FBXL20: variants seen among roughly 807,000 people sequenced by gnomAD.
FBXL20 encodes F-box/LRR-repeat protein 20.
A neutral mutation model predicts 64.0 loss-of-function variants in FBXL20; 11 were observed. The ratio of observed to expected loss-of-function variants is 0.17; its 90% CI spans 0.11 to 0.28. The LOEUF (loss-of-function observed/expected upper bound fraction) is 0.28, where lower values mean the gene tolerates loss of function less well. FBXL20 is among the 10% of genes least tolerant of loss of function. The pLI is 1.00. For synonymous variants in FBXL20, 184 were observed against 189.0 expected (o/e 0.97, Z 0.22); for missense variants, 303 against 526.2 (o/e 0.58, Z 4.15).
intron 2 of FBXL20, among the ~76,000 whole-genome samples, chr17:39,338,867 A>C (rs1389530932): frequency 6.6e-6 from 1 of 152,136 alleles, no homozygotes; most frequent in Non-Finnish European, 1.5e-5. Context: ...ACTGACCAAT[A>C]TTCTTTAAAA....
chr17:39,330,269 C>T (rs958807266), intron 2 of FBXL20, among the ~76,000 whole-genome samples: 3 of 150,154 alleles, frequency 2.0e-5, no homozygotes, highest in African/African-American at 7.4e-5. Context: ...TGCGCTCCAG[C>T]CTGGGCAACA....
chr17:39,304,992 G>C (rs1263359047), intron 2 of FBXL20, among the ~76,000 whole-genome samples: 2 of 151,892 alleles, frequency 1.3e-5, no homozygotes, highest in African/African-American at 4.8e-5. Context: ...CCTGATGTCA[G>C]GTTATCCGCC....
chr17:39,333,056 G>C (rs1461502149), intron 2 of FBXL20, among the ~76,000 whole-genome samples: 1 of 152,068 alleles, frequency 6.6e-6, no homozygotes, highest in African/African-American at 2.4e-5. Flanking sequence ...GCCTGCCTCA[G>C]CCTCCCAAGT....
intron 2 of FBXL20, among the ~76,000 whole-genome samples, chr17:39,334,506 A>G (rs987591044): frequency 7.1e-6 from 1 of 140,448 alleles, no homozygotes. Context: ...TTCGAAAAAA[A>G]AATTCAGCTA....
intron 6 of FBXL20, 33 bp downstream of exon 6, chr17:39,297,092 TTA>T: frequency 6.6e-7 from 1 of 1,513,544 alleles, no homozygotes; most frequent in Non-Finnish European, 9.1e-7. Flanking sequence ...ACATAAGGGG[TTA>T]TGACTTATCC....
intron 1 of FBXL20, among the ~76,000 whole-genome samples, chr17:39,396,596 C>CAAA (rs35394824): frequency 2.3e-4 from 24 of 103,212 alleles, no homozygotes; most frequent in Non-Finnish European, 4.4e-4. Flanking sequence ...AACTCCGTCT[C>CAAA]AAAAAAAAAA....
chr17:39,359,062 A>C (rs1171022922), intron 1 of FBXL20, among the ~76,000 whole-genome samples: 1 of 152,226 alleles, frequency 6.6e-6, no homozygotes, highest in African/African-American at 2.4e-5. Flanking sequence ...GGCAAGGCGC[A>C]GTGGCTCACG....
At chr17:39,294,113 T>C (rs761591808) in intron 6 of FBXL20, among the ~76,000 whole-genome samples, 5 of 152,004 alleles carry the variant, frequency 3.3e-5, no homozygotes, top group Non-Finnish European at 5.9e-5. Context: ...AGGGCAGTTA[T>C]TGTCACTGTG....
Position 39,259,366 on chromosome 17 carries a change from A to C in FBXL20, c.*2094T>G, listed in dbSNP as rs2046724783. 6.6e-6 allele frequency: 1 copy of C among 152,198 alleles called. No homozygotes were observed. The highest frequency in any genetic ancestry group is 2.1e-4 in the South Asian group (1 of 4,830). The allele number at this position is 152,198 out of a possible 1,614,324, so 9.4% of individuals were successfully genotyped here. On this transcript the variant is annotated 3_prime_UTR_variant, in exon 15 of 15. Transcript: ENST00000264658. ...TTTAATAGTCTGGATCATATAGAAGATTAATATTATGATGGATTGCACATT... is the reference window on the plus strand; with the variant it reads ...TTTAATAGTCTGGATCATATAGAAGCTTAATATTATGATGGATTGCACATT...
intron 2 of FBXL20, among the ~76,000 whole-genome samples, chr17:39,339,728 A>G (rs1597807234): frequency 6.6e-6 from 1 of 151,850 alleles, no homozygotes; most frequent in Admixed American, 6.6e-5. Flanking sequence ...GCTCACTGCA[A>G]CCTCCACCTG....
chr17:39,301,167 A>G, intron 3 of FBXL20, 92 bp from the exon 4 acceptor site: 1 of 1,146,248 alleles, frequency 8.7e-7, no homozygotes, highest in East Asian at 2.4e-5. Flanking sequence ...CCAACTAATG[A>G]CTAAAATGGA....
rs1257986943 is a variant in FBXL20, at chr17:39,257,085, A to C, written c.*4375T>G. The stretch of plus-strand genomic sequence containing the variant: ...CTGCAACCTCCACCTCCCGGGTTCA[A>C]GCAATTCTCTGCCTCAGCCTCCCGA... On this transcript the variant is annotated 3_prime_UTR_variant, in exon 15 of 15. Transcript: ENST00000264658. 2 of 152,076 alleles carry C rather than the reference A, an allele frequency of 1.3e-5. No homozygotes were observed. Among genetic ancestry groups the C allele is most frequent in the African/African-American group, 4.8e-5 (2 of 41,380 alleles). 9.4% of individuals were successfully genotyped at this position (152,076 alleles called of 1,614,324 possible). A position where few individuals can be genotyped will look rare whatever the true frequency, so the allele number is the denominator to read the frequency against.
chr17:39,315,412 T>G (rs943113255), intron 2 of FBXL20, among the ~76,000 whole-genome samples: 15 of 148,992 alleles, frequency 1.0e-4, no homozygotes, highest in South Asian at 4.2e-4. Flanking sequence ...TATATATATA[T>G]AGTACATGTC....
At chr17:39,393,243 C>G (rs182467457) in intron 1 of FBXL20, among the ~76,000 whole-genome samples, 1 of 151,806 alleles carries the variant, frequency 6.6e-6, no homozygotes, top group African/African-American at 2.4e-5. Context: ...GAGCTCAGAT[C>G]GCGCCATTGC....
chr17:39,334,780 AAC>A (rs2047504338), intron 2 of FBXL20, among the ~76,000 whole-genome samples: 1 of 149,520 alleles, frequency 6.7e-6, no homozygotes, highest in Admixed American at 6.6e-5. Flanking sequence ...TACAGTTATC[AAC>A]GTCATCCTCA....
At chr17:39,387,348 C>T (rs1304851936) in intron 1 of FBXL20, among the ~76,000 whole-genome samples, 2 of 147,026 alleles carry the variant, frequency 1.4e-5, no homozygotes, top group Non-Finnish European at 3.0e-5. Context: ...GGCGCAATCT[C>T]GGCTTGCTGT....
chr17:39,269,009 A>AT (rs966178873), intron 11 of FBXL20, 138 bp from the exon 12 acceptor site: 41 of 724,320 alleles, frequency 5.7e-5, no homozygotes, highest in African/African-American at 1.6e-4. Context: ...TGTCATGCTA[A>AT]TTTTTTTTTC....
chr17:39,332,831 G>A (rs10221196), intron 2 of FBXL20, among the ~76,000 whole-genome samples: 7,080 of 152,074 alleles, frequency 0.047, 335 homozygotes, highest in African/African-American at 0.12. Context: ...ATGAGCCACC[G>A]TGCCCAGCTG....
rs774753250 is a variant in FBXL20 at position 39,265,363 on chromosome 17, A to G, written c.990+34T>C. 13 of 1,549,156 alleles carry G rather than the reference A, an allele frequency of 8.4e-6. No individual in the cohort carries two copies. In the African/African-American group the frequency reaches 1.8e-4, roughly 21 times the overall value. On this transcript the variant is annotated intron_variant, in intron 13 of 14. Coordinates refer to ENST00000264658, the MANE Select transcript of FBXL20 (RefSeq NM_032875.3). ...GTAGCACTGGCTTTTGATTAAACCC[A>G]GTAAACACATAAAGTTTTCAAAGTT...
Sources: gnomAD v4.1 joint callset for allele counts (sites outside exome capture counted in the v4.1 genomes callset) on GRCh38, gnomAD v4.1.1 for gene constraint, MANE v1.5 for transcripts, NCBI Gene and HGNC (gene_info 2026-07-23, HGNC 2026-07-21) for gene names.